NEK11: variants seen among roughly 807,000 people sequenced by gnomAD.
NEK11 encodes NIMA related kinase 11, also known as serine/threonine-protein kinase Nek11.
NEK11 carries 72 observed loss-of-function variants against 80.7 expected under a neutral mutation model. The ratio of observed to expected loss-of-function variants is 0.89; its 90% CI spans 0.74 to 1.08. The LOEUF (loss-of-function observed/expected upper bound fraction) is 1.08. NEK11 is among the 50% of genes least tolerant of loss of function. The pLI, the probability that NEK11 is intolerant of heterozygous loss-of-function variation, is 0.00. For synonymous variants in NEK11, 251 were observed against 260.7 expected, an observed-to-expected ratio of 0.96 and a Z score of 0.36; for missense variants, 764 against 763.6, an observed-to-expected ratio of 1.00 and a Z score of -0.01.
chr3:131,232,472 T>A (rs2095348975), intron 15 of NEK11, among the ~76,000 whole-genome samples: 1 of 152,190 alleles, frequency 6.6e-6, no homozygotes, highest in Non-Finnish European at 1.5e-5. Context: ...AAGGGCTTTG[T>A]TTAATGAATG....
chr3:131,220,864 C>T (rs1434106470), intron 14 of NEK11, among the ~76,000 whole-genome samples: 2 of 152,130 alleles, frequency 1.3e-5, no homozygotes, highest in Middle Eastern at 3.2e-3. Context: ...AGTTCTGGGA[C>T]TTGACTGAGT....
intron 14 of NEK11, among the ~76,000 whole-genome samples, chr3:131,214,797 A>T (rs776063417): frequency 2.0e-5 from 3 of 152,014 alleles, no homozygotes; most frequent in Non-Finnish European, 2.9e-5. Flanking sequence ...CTTACAGCAG[A>T]ACCTGCTGTC....
chr3:131,297,945 C>G (rs947566425), intron 17 of NEK11, among the ~76,000 whole-genome samples: 7 of 151,732 alleles, frequency 4.6e-5, no homozygotes, highest in Non-Finnish European at 7.4e-5. Context: ...GCTTGTTTTT[C>G]TCGGGTTTGT....
At chr3:131,108,744 C>T (rs536122596) in intron 4 of NEK11, among the ~76,000 whole-genome samples, 3 of 151,912 alleles carry the variant, frequency 2.0e-5, no homozygotes, top group Non-Finnish European at 4.4e-5. Context: ...TAGAGCTTAA[C>T]TAAATGCTTA....
intron 14 of NEK11, among the ~76,000 whole-genome samples, chr3:131,184,155 G>GAA (rs2093496894): frequency 6.6e-6 from 1 of 152,008 alleles, no homozygotes; most frequent in Non-Finnish European, 1.5e-5. Context: ...CCATTATATT[G>GAA]GCAATATTCA....
chr3:131,344,331 C>A (rs1350370135), intron 17 of NEK11, among the ~76,000 whole-genome samples: 3 of 152,216 alleles, frequency 2.0e-5, no homozygotes, highest in Non-Finnish European at 4.4e-5. Context: ...ATAAGTTCCT[C>A]ATTTCCATCT....
At chr3:131,237,489 T>G (rs1242731790) in intron 15 of NEK11, among the ~76,000 whole-genome samples, 1 of 152,186 alleles carries the variant, frequency 6.6e-6, no homozygotes, top group Non-Finnish European at 1.5e-5. Flanking sequence ...CCTTACATAT[T>G]TACATAGTAT....
chr3:131,180,256 G>A (rs1482517433), intron 14 of NEK11, among the ~76,000 whole-genome samples: 2 of 152,188 alleles, frequency 1.3e-5, no homozygotes, highest in Admixed American at 6.5e-5. Flanking sequence ...CTGTGCCCAA[G>A]GAGGAGAGAA....
intron 17 of NEK11, among the ~76,000 whole-genome samples, chr3:131,276,994 A>G (rs2096303468): frequency 1.3e-5 from 2 of 152,186 alleles, no homozygotes; most frequent in South Asian, 2.1e-4. Flanking sequence ...TGAAGAGTGC[A>G]GGCCAGTTGT....
At chr3:131,074,248 G>C (rs1209569870) in intron 3 of NEK11, among the ~76,000 whole-genome samples, 1 of 152,082 alleles carries the variant, frequency 6.6e-6, no homozygotes, top group Non-Finnish European at 1.5e-5. Flanking sequence ...TAATGGGAGG[G>C]TTCCTCATGC....
chr3:131,330,429 T>A (rs576747021), intron 17 of NEK11: 1 of 152,146 alleles, frequency 6.6e-6, no homozygotes, highest in African/African-American at 2.4e-5. Context: ...AAGGGAGGAT[T>A]TAAAGTCATG....
rs1385624451 is a variant in NEK11 at position 131,350,110 on chromosome 3, T to C, written c.*334T>C. 1.2e-5 allele frequency: 3 copies of C among 255,164 alleles called. No individual in the cohort carries two copies. The Admixed American group carries it at 1.5e-4, about 13-fold the overall frequency. The allele number at this position is 255,164 out of a possible 1,614,324, so 15.8% of individuals were successfully genotyped here. ...CCGGGGAGAAGCCGTGTGCTCTTCA[T>C]TATTTTCAGCTGGAGGACAGAGCTC... is the stretch of plus-strand genomic sequence containing the variant. On this transcript the variant is annotated 3_prime_UTR_variant, in exon 18 of 18. Coordinates refer to ENST00000383366, the MANE Select transcript of NEK11 (RefSeq NM_024800.5).
chr3:131,222,353 T>A, intron 14 of NEK11, among the ~76,000 whole-genome samples: 1 of 152,210 alleles, frequency 6.6e-6, no homozygotes, highest in Middle Eastern at 3.2e-3. Flanking sequence ...ATCTTTGTGC[T>A]ATTAAATGGT....
At chr3:131,313,595 T>A (rs1480108519) in intron 17 of NEK11, among the ~76,000 whole-genome samples, 2 of 152,160 alleles carry the variant, frequency 1.3e-5, no homozygotes, top group African/African-American at 2.4e-5. Flanking sequence ...TTTTCATATG[T>A]TTGTTGGCCA....
chr3:131,069,225 A>G (rs1236134477), intron 3 of NEK11, among the ~76,000 whole-genome samples: 1 of 149,250 alleles, frequency 6.7e-6, no homozygotes, highest in African/African-American at 2.6e-5. Flanking sequence ...ATCTTTTCTC[A>G]TTTTTACCTA....
chr3:131,067,145 C>T (rs1446226024), intron 3 of NEK11, among the ~76,000 whole-genome samples: 1 of 152,100 alleles, frequency 6.6e-6, no homozygotes, highest in African/African-American at 2.4e-5. Context: ...TTGATTTCAT[C>T]CTTTTAAGGT....
chr3:131,184,921 A>C (rs1243882269), intron 14 of NEK11: 1 of 278,408 alleles, frequency 3.6e-6, no homozygotes, highest in Non-Finnish European at 6.7e-6. Context: ...ATAGTATTTA[A>C]TTTAATAGAA....
At position 131,297,857 on chromosome 3, in the gene NEK11, G is replaced by T. The variant is rs1328487556; in HGVS notation, c.1718+24283G>T. On this transcript the variant is annotated intron_variant, in intron 17 of 17. Coordinates refer to ENST00000383366, the MANE Select transcript of NEK11 (RefSeq NM_024800.5). ...ATTTTTGTGTAAGGTGTAAGGAAGG[G>T]ATCCAGTTTCGGCTTTCTACATATG... Among the ~76,000 whole-genome samples, 6 of 152,282 alleles carry T rather than the reference G, an allele frequency of 3.9e-5. No individual in the cohort carries two copies. In the East Asian group the frequency reaches 9.6e-4, roughly 24 times the overall value.
At chr3:131,273,315 A>C (rs1421634914) in intron 16 of NEK11, among the ~76,000 whole-genome samples, 163 bp from the exon 17 acceptor site, 2 of 152,206 alleles carry the variant, frequency 1.3e-5, no homozygotes, top group African/African-American at 4.8e-5. Context: ...ATTTGGAATA[A>C]ATCTTCTTAA....
Sources: gnomAD v4.1 joint callset for allele counts (sites outside exome capture counted in the v4.1 genomes callset) on GRCh38, gnomAD v4.1.1 for gene constraint, MANE v1.5 for transcripts, NCBI Gene and HGNC (gene_info 2026-07-23, HGNC 2026-07-21) for gene names.